Variants in PDE1A observed in about 807,000 individuals in gnomAD.
PDE1A encodes the protein dual specificity calcium/calmodulin-dependent 3',5'-cyclic nucleotide phosphodiesterase 1A.
In PDE1A, 35 loss-of-function variants were observed where a neutral mutation model predicts 61.7. The observed-to-expected ratio is 0.57, with a 90% confidence interval of 0.43 to 0.75. PDE1A has a LOEUF of 0.75. Ranked by LOEUF, PDE1A falls within the 30% of genes least tolerant of loss-of-function variation. PDE1A has a pLI of 0.00. For synonymous variants in PDE1A, 232 were observed against 213.2 expected (o/e 1.09, Z -0.77); for missense variants, 597 against 630.6 (o/e 0.95, Z 0.57).
At chr2:182,238,909 G>C (rs1325822967) in intron 3 of PDE1A, among the ~76,000 whole-genome samples, 1 of 152,058 alleles carries the variant, frequency 6.6e-6, no homozygotes, top group Non-Finnish European at 1.5e-5. Context: ...AGTTTGCCAA[G>C]TTCTGTAATA....
intron 1 of PDE1A, among the ~76,000 whole-genome samples, chr2:182,282,008 C>T (rs1241121725): frequency 1.3e-5 from 2 of 151,910 alleles, no homozygotes; most frequent in East Asian, 3.9e-4. Flanking sequence ...CTGTGCCTTT[C>T]TGTCATCTGG....
intron 1 of PDE1A, chr2:182,314,436 C>G (rs1369218552): frequency 6.6e-6 from 1 of 152,056 alleles, no homozygotes; most frequent in African/African-American, 2.4e-5. Flanking sequence ...TGAACTGGAC[C>G]AGGTCAGAAA....
At chr2:182,639,765 T>C in the PDE1A span, among the ~76,000 whole-genome samples, 2 of 151,584 alleles carry the variant, frequency 1.3e-5, no homozygotes, top group South Asian at 2.1e-4. Flanking sequence ...CCATCATACA[T>C]GTAACTGGAA....
chr2:182,513,911 T>C (rs995058864), intron 2 of PDE1A, among the ~76,000 whole-genome samples: 3 of 152,204 alleles, frequency 2.0e-5, no homozygotes, highest in Non-Finnish European at 2.9e-5. Flanking sequence ...TCTAAATATA[T>C]GCACCCAACA....
chr2:182,242,268 A>T (rs2125696166), intron 2 of PDE1A, among the ~76,000 whole-genome samples: 1 of 152,340 alleles, frequency 6.6e-6, no homozygotes, highest in Admixed American at 6.5e-5. Context: ...AGCATATGGA[A>T]GGGATATTCC....
chr2:182,213,896 C>T (rs1288784033), intron 7 of PDE1A, among the ~76,000 whole-genome samples: 2 of 125,242 alleles, frequency 1.6e-5, no homozygotes, highest in South Asian at 2.8e-4. Flanking sequence ...GGCCAACGTT[C>T]ACATTCAGGA....
intron 2 of PDE1A, among the ~76,000 whole-genome samples, chr2:182,507,535 C>A (rs1689489289): frequency 6.6e-6 from 1 of 152,032 alleles, no homozygotes; most frequent in African/African-American, 2.4e-5. Flanking sequence ...TAAGCCCTTT[C>A]TAAGCCTTTG....
At chr2:182,457,449 A>C (rs12473820) in intron 2 of PDE1A, among the ~76,000 whole-genome samples, 25,648 of 151,912 alleles carry the variant, frequency 0.17, 2,626 homozygotes, top group Middle Eastern at 0.32. Flanking sequence ...TAAACAAAAA[A>C]ATTAGATAAA....
the PDE1A span, among the ~76,000 whole-genome samples, chr2:182,634,960 T>G: frequency 2.0e-5 from 3 of 152,156 alleles, no homozygotes; most frequent in African/African-American, 7.2e-5. Flanking sequence ...AAACTGCAGT[T>G]GCAATTATTA....
At chr2:182,478,482 G>T (rs1687510744) in intron 2 of PDE1A, among the ~76,000 whole-genome samples, 1 of 151,860 alleles carries the variant, frequency 6.6e-6, no homozygotes, top group Non-Finnish European at 1.5e-5. Context: ...GGCTGAGAAT[G>T]GGGAAACTAC....
chr2:182,521,924 G>A (rs1342785941), intron 2 of PDE1A, among the ~76,000 whole-genome samples: 1 of 151,982 alleles, frequency 6.6e-6, no homozygotes, highest in African/African-American at 2.4e-5. Flanking sequence ...TTCTCTCTCT[G>A]CTTACCTGAG....
chr2:182,490,843 G>A (rs2368296), intron 2 of PDE1A, among the ~76,000 whole-genome samples: 51,169 of 151,926 alleles, frequency 0.34, 8,812 homozygotes, highest in Middle Eastern at 0.37. Context: ...TTAGACAGGC[G>A]CACTGACAGT....
intron 1 of PDE1A, among the ~76,000 whole-genome samples, chr2:182,367,768 T>C (rs1699917067): frequency 6.6e-6 from 1 of 152,136 alleles, no homozygotes; most frequent in South Asian, 2.1e-4. Context: ...GATGCCTTAA[T>C]ATATAATTTT....
At chr2:182,662,455 T>C in the PDE1A span, among the ~76,000 whole-genome samples, 2 of 151,962 alleles carry the variant, frequency 1.3e-5, no homozygotes, top group Non-Finnish European at 2.9e-5. Flanking sequence ...AGGGCTACAG[T>C]AACCAAAACA....
exon 14 of PDE1A, chr2:182,168,067 T>G (rs1691762102): frequency 5.4e-6 from 7 of 1,291,136 alleles, no homozygotes; most frequent in Non-Finnish European, 6.9e-6. Context: ...TTGAGCCCGG[T>G]GAATTAAGGA....
chr2:182,255,092 C>A (rs1284235303), intron 2 of PDE1A, among the ~76,000 whole-genome samples: 2 of 152,084 alleles, frequency 1.3e-5, no homozygotes, highest in African/African-American at 2.4e-5. Context: ...AATACTGTCA[C>A]CATCTTGCTA....
At chr2:182,548,686 T>G in the PDE1A span, among the ~76,000 whole-genome samples, 1 of 152,182 alleles carries the variant, frequency 6.6e-6, no homozygotes, top group Non-Finnish European at 1.5e-5. Flanking sequence ...GCCTAAACCC[T>G]TATCTGGGGT....
At chr2:182,238,277 AAAAAAG>A (rs1389957278) in intron 3 of PDE1A, among the ~76,000 whole-genome samples, 2 of 150,698 alleles carry the variant, frequency 1.3e-5, no homozygotes, top group Non-Finnish European at 2.9e-5. Context: ...AAAAAAAAAA[AAAAAAG>A]AAAAAGAAAA....
chr2:182,378,607 T>C (rs746934477), intron 1 of PDE1A, among the ~76,000 whole-genome samples: 16 of 152,210 alleles, frequency 1.1e-4, no homozygotes, highest in Non-Finnish European at 2.4e-4. Context: ...CAAATAATTA[T>C]TGAAGGAACT....
Sources: gnomAD v4.1 joint callset for allele counts (sites outside exome capture counted in the v4.1 genomes callset) on GRCh38, gnomAD v4.1.1 for gene constraint, MANE v1.5 for transcripts, NCBI Gene and HGNC (gene_info 2026-07-23, HGNC 2026-07-21) for gene names.